The following DCAF1 variants were observed in gnomAD, a reference collection of about 807,000 sequenced individuals.
DCAF1 encodes DDB1- and CUL4-associated factor 1.
In DCAF1, 15 loss-of-function variants were observed where a neutral mutation model predicts 128.0. The ratio of observed to expected loss-of-function variants is 0.12; its 90% CI spans 0.08 to 0.18. The LOEUF is 0.18. Ranked by LOEUF, DCAF1 falls within the 10% of genes least tolerant of loss-of-function variation. The probability of loss-of-function intolerance (pLI) is 1.00; values close to 1 mark genes in which losing one functional copy is unlikely to be tolerated. For synonymous variants in DCAF1, 610 were observed against 603.0 expected (o/e 1.01, Z -0.17); for missense variants, 988 against 1,649.5 (o/e 0.60, Z 6.95).
At chr3:51,483,448 A>AAAATT (rs1553653832) in intron 3 of DCAF1, among the ~76,000 whole-genome samples, 4 of 152,174 alleles carry the variant, frequency 2.6e-5, no homozygotes, top group South Asian at 2.1e-4. Context: ...TCAAAAAAAA[A>AAAATT]AAATTAAATT....
At chr3:51,421,972 G>GC (rs1484585953) in intron 14 of DCAF1, among the ~76,000 whole-genome samples, 1 of 151,550 alleles carries the variant, frequency 6.6e-6, no homozygotes, top group Non-Finnish European at 1.5e-5. Flanking sequence ...TATTTTTAGT[G>GC]CAAGACTCTT....
chr3:51,408,132 G>A (rs925919589), intron 23 of DCAF1, among the ~76,000 whole-genome samples: 1 of 152,154 alleles, frequency 6.6e-6, no homozygotes, highest in East Asian at 1.9e-4. Context: ...ATATTTATGG[G>A]TGTCCAATAC....
At chr3:51,425,726 C>A (rs146381464) in intron 13 of DCAF1, among the ~76,000 whole-genome samples, 2,026 of 151,650 alleles carry the variant, frequency 0.013, 21 homozygotes, top group Non-Finnish European at 0.022. Context: ...ACACACCAGG[C>A]TAATTTTTTT....
intron 24 of DCAF1, among the ~76,000 whole-genome samples, chr3:51,400,351 C>T (rs942982552): frequency 2.6e-5 from 4 of 152,146 alleles, no homozygotes; most frequent in African/African-American, 4.8e-5. Flanking sequence ...CTGGTCCCTG[C>T]GGCAGCATCC....
At chr3:51,472,376 TTTG>T (rs1309776548) in intron 3 of DCAF1, among the ~76,000 whole-genome samples, 7 of 152,080 alleles carry the variant, frequency 4.6e-5, no homozygotes. Context: ...TGATCCAGAA[TTTG>T]TTTTTTTTCT....
At chr3:51,498,412 C>T (rs1048920445) in intron 1 of DCAF1, among the ~76,000 whole-genome samples, 1 of 150,706 alleles carries the variant, frequency 6.6e-6, no homozygotes, top group East Asian at 2.0e-4. Flanking sequence ...CACCACTGCA[C>T]TCCAGCCTAG....
At chr3:51,437,646 T>C (rs1366490526) in intron 9 of DCAF1, among the ~76,000 whole-genome samples, 5 of 152,052 alleles carry the variant, frequency 3.3e-5, no homozygotes, top group African/African-American at 1.2e-4. Context: ...AAACCCGGTC[T>C]CTACCAAAAA....
chr3:51,503,429 T>C (rs1577359853), upstream of DCAF1, among the ~76,000 whole-genome samples: 1 of 152,116 alleles, frequency 6.6e-6, no homozygotes, highest in Non-Finnish European at 1.5e-5. Flanking sequence ...TCCCAGCACC[T>C]CCTTCTAGGC....
chr3:51,402,490 G>C (rs193201252), intron 24 of DCAF1, among the ~76,000 whole-genome samples: 1 of 150,462 alleles, frequency 6.6e-6, no homozygotes, highest in African/African-American at 2.4e-5. Context: ...ATTCATTTAC[G>C]GATTGTCTAT....
chr3:51,457,820 A>G (rs1259055374), intron 6 of DCAF1, among the ~76,000 whole-genome samples: 1 of 152,226 alleles, frequency 6.6e-6, no homozygotes, highest in African/African-American at 2.4e-5. Flanking sequence ...ACTACGCTTC[A>G]TAAGTGAAGG....
chr3:51,458,559 C>T (rs552868407), intron 6 of DCAF1, among the ~76,000 whole-genome samples: 8 of 152,262 alleles, frequency 5.3e-5, no homozygotes, highest in South Asian at 2.1e-4. Flanking sequence ...CTGCATCAAG[C>T]GGACCTAACA....
chr3:51,456,112 G>A (rs1305639732), intron 6 of DCAF1, among the ~76,000 whole-genome samples: 6 of 152,174 alleles, frequency 3.9e-5, no homozygotes, highest in Non-Finnish European at 5.9e-5. Context: ...GCAAGGCATC[G>A]CCTCACCCAG....
intron 6 of DCAF1, among the ~76,000 whole-genome samples, chr3:51,451,152 A>T (rs1439516726): frequency 1.6e-5 from 2 of 127,982 alleles, no homozygotes; most frequent in Non-Finnish European, 3.1e-5. Context: ...GCAGTGACAT[A>T]ATCATAACTC....
intron 6 of DCAF1, among the ~76,000 whole-genome samples, chr3:51,444,690 A>G (rs9864999): frequency 0.013 from 1,940 of 148,492 alleles, 49 homozygotes; most frequent in African/African-American, 0.04. Flanking sequence ...TTGATTGATT[A>G]ATTGAGACAG....
At chr3:51,422,171 G>A (rs1577094039) in intron 14 of DCAF1, 136 bp downstream of exon 14, 3 of 610,534 alleles carry the variant, frequency 4.9e-6, no homozygotes, top group East Asian at 5.6e-5. Context: ...TCCTTATAAA[G>A]GACAGACAAG....
chr3:51,464,189 T>A (rs1703899715), intron 5 of DCAF1, among the ~76,000 whole-genome samples: 1 of 152,066 alleles, frequency 6.6e-6, no homozygotes, highest in Admixed American at 6.6e-5. Context: ...TTTAAAAGCA[T>A]AAGCAGGGCA....
Position 51,398,692 on chromosome 3 carries a change from G to C in DCAF1, c.*77C>G. ...AAAAGACAGACAGCCCTGGGAGAAA[G>C]AGAAGGGAATATGTTCTGAATTCAT... On this transcript the variant is annotated 3_prime_UTR_variant, in exon 25 of 25. Coordinates refer to ENST00000684031, the MANE Select transcript of DCAF1 (RefSeq NM_001387579.1). The C allele has an allele frequency of 6.5e-7, 1 of 1,529,718 alleles. No individual in the cohort carries two copies. The highest frequency in any genetic ancestry group is 2.0e-5 in the Admixed American group (1 of 50,874). The allele number at this position is 1,529,718 out of a possible 1,614,324, so 94.8% of individuals were successfully genotyped here.
At chr3:51,455,800 G>C (rs1176039689) in intron 6 of DCAF1, among the ~76,000 whole-genome samples, 2 of 152,040 alleles carry the variant, frequency 1.3e-5, no homozygotes, top group African/African-American at 4.8e-5. Flanking sequence ...GGGAGGCTGA[G>C]GCAAAAGAAT....
At chr3:51,468,112 T>G (rs1403002496) in intron 4 of DCAF1, among the ~76,000 whole-genome samples, 1 of 152,178 alleles carries the variant, frequency 6.6e-6, no homozygotes, top group Non-Finnish European at 1.5e-5. Context: ...GGGCCTAGGA[T>G]CAACTCAATG....
Sources: gnomAD v4.1 joint callset for allele counts (sites outside exome capture counted in the v4.1 genomes callset) on GRCh38, gnomAD v4.1.1 for gene constraint, MANE v1.5 for transcripts, NCBI Gene and HGNC (gene_info 2026-07-23, HGNC 2026-07-21) for gene names.